The following RFC3 variants were observed in gnomAD, a reference collection of about 807,000 sequenced individuals.
The protein encoded by RFC3 is A1 38 kDa subunit.
RFC3 carries 41 observed loss-of-function variants against 45.1 expected under a neutral mutation model. That is an observed-to-expected ratio of 0.91 (90% CI 0.71 to 1.18). The LOEUF (loss-of-function observed/expected upper bound fraction) is 1.18. Among genes scored for constraint, RFC3 ranks in the 50% most tolerant of loss-of-function variants. The pLI, the probability that RFC3 is intolerant of heterozygous loss-of-function variation, is 0.00. For missense variants in RFC3, 423 were observed against 428.1 expected, an observed-to-expected ratio of 0.99 and a Z score of 0.10; for synonymous variants, 149 against 144.0, an observed-to-expected ratio of 1.03 and a Z score of -0.25.
intron 8 of RFC3, chr13:33,848,821 C>T (rs2082257182): frequency 1.3e-5 from 2 of 152,234 alleles, no homozygotes; most frequent in South Asian, 4.1e-4. Context: ...TCTTCATACT[C>T]AACATGGCAA....
In RFC3 at chr13:33,837,176, A is replaced by T. The variant is rs1199981109; in HGVS notation, c.*881A>T. 5.7e-6 allele frequency: 3 copies of T among 522,840 alleles called. No homozygotes were observed. In the African/African-American group the frequency reaches 6.2e-5, roughly 11 times the overall value. The allele number at this position is 522,840 out of a possible 1,614,324, so 32.4% of individuals were successfully genotyped here. On this transcript the variant is annotated 3_prime_UTR_variant, in exon 9 of 9. Coordinates refer to ENST00000380071, the MANE Select transcript of RFC3 (RefSeq NM_002915.4). Reference sequence around the variant, plus strand: ...GTGAAACTATGATCCCAATCAAGGTATAGATGCCGTCACCCCAAAAAGTTC... The same window carrying T: ...GTGAAACTATGATCCCAATCAAGGTTTAGATGCCGTCACCCCAAAAAGTTC...
At chr13:33,959,845 G>A (rs1035375481) in intron 8 of RFC3, among the ~76,000 whole-genome samples, 2 of 152,174 alleles carry the variant, frequency 1.3e-5, no homozygotes, top group African/African-American at 4.8e-5. Flanking sequence ...ATAAAGAAAA[G>A]AGGTCTAATT....
chr13:33,920,853 T>G (rs2082764395), intron 8 of RFC3, among the ~76,000 whole-genome samples: 1 of 152,042 alleles, frequency 6.6e-6, no homozygotes, highest in Non-Finnish European at 1.5e-5. Flanking sequence ...ACTAAATGAG[T>G]CTTTATCTTA....
chr13:33,874,753 G>T (rs1302375406), intron 8 of RFC3, among the ~76,000 whole-genome samples: 2 of 152,230 alleles, frequency 1.3e-5, no homozygotes, highest in African/African-American at 4.8e-5. Context: ...TGACCCTCCA[G>T]ATGGTAAACC....
chr13:33,881,591 G>C (rs7999103), intron 8 of RFC3, among the ~76,000 whole-genome samples: 16,107 of 151,856 alleles, frequency 0.11, 1,704 homozygotes, highest in African/African-American at 0.25. Flanking sequence ...GATCCGGCCA[G>C]TTGTCTCCTC....
In RFC3 at chr13:33,825,804, T is replaced by G. The variant is rs905108387; in HGVS notation, c.309T>G (p.Ser103Arg). The G allele has an allele frequency of 3.1e-6, 5 of 1,599,288 alleles. No homozygotes were observed. In the African/African-American group the frequency reaches 5.4e-5, roughly 17 times the overall value. The change falls in exon 4 of 9, where the codon AGT (serine) becomes AGG (arginine). Residue 103 changes from serine (S) to arginine (R), a missense_variant. Coordinates refer to ENST00000380071, the MANE Select transcript of RFC3 (RefSeq NM_002915.4). ...TTTTGTGTAGTGATGCTGGAAATAGTGACCGAGTAGTCATTCAGGAGATGT... is the reference window on the plus strand; with the variant it reads ...TTTTGTGTAGTGATGCTGGAAATAGGGACCGAGTAGTCATTCAGGAGATGT... ...LEVNPSDAGN[S>R]DRVVIQEMLK...
chr13:33,839,660 G>C (rs1156588232), downstream of RFC3, among the ~76,000 whole-genome samples: 1 of 152,132 alleles, frequency 6.6e-6, no homozygotes, highest in African/African-American at 2.4e-5. Flanking sequence ...ATATCTTCCT[G>C]TTTCCATTAG....
rs1555244675 is a variant in RFC3, at chr13:33,950,105, ACC to A, written c.880-15979_880-15978del. Among the ~76,000 whole-genome samples, 24 of 132,258 alleles carry A rather than the reference ACC, an allele frequency of 1.8e-4. 1 individual carries two copies. The highest frequency in any genetic ancestry group is 9.4e-4 in the East Asian group (4 of 4,264). 86.8% of individuals were successfully genotyped at this position (132,258 alleles called of 152,430 possible). On this transcript the variant is annotated intron_variant, in intron 8 of 8. Transcript: ENST00000434425. Reference sequence around the variant, plus strand: ...CACACACACACACACACACACACACACCCCGTTATGGTTTGGTTTCTCTGGAG... The same window carrying A: ...CACACACACACACACACACACACACACCGTTATGGTTTGGTTTCTCTGGAG...
chr13:33,824,987 A>T (rs557685434), intron 3 of RFC3, among the ~76,000 whole-genome samples: 3 of 152,294 alleles, frequency 2.0e-5, no homozygotes, highest in East Asian at 3.9e-4. Context: ...CTATAATAAT[A>T]GTAGTGACTT....
At chr13:33,834,107 A>T (rs1408381292) in intron 7 of RFC3, among the ~76,000 whole-genome samples, 2 of 149,170 alleles carry the variant, frequency 1.3e-5, no homozygotes, top group African/African-American at 4.9e-5. Context: ...GAGTTAAATT[A>T]TTTGTTTCAA....
intron 1 of RFC3, among the ~76,000 whole-genome samples, chr13:33,819,371 C>T (rs2081980993): frequency 6.6e-6 from 1 of 152,158 alleles, no homozygotes; most frequent in African/African-American, 2.4e-5. Context: ...TTATCCACTC[C>T]TTTTAAGGAA....
intron 8 of RFC3, among the ~76,000 whole-genome samples, chr13:33,857,252 T>C (rs1448325464): frequency 6.6e-6 from 1 of 152,198 alleles, no homozygotes; most frequent in Non-Finnish European, 1.5e-5. Flanking sequence ...GCGGAATCTC[T>C]GACATGCTAC....
chr13:33,968,563 C>A (rs2137881813), downstream of RFC3, among the ~76,000 whole-genome samples: 1 of 152,326 alleles, frequency 6.6e-6, no homozygotes, highest in Admixed American at 6.5e-5. Flanking sequence ...TTTAGCCAAT[C>A]AAACAATCAA....
intron 8 of RFC3, among the ~76,000 whole-genome samples, chr13:33,874,015 T>C (rs775259067): frequency 3.3e-5 from 5 of 152,172 alleles, no homozygotes; most frequent in Non-Finnish European, 7.4e-5. Context: ...TTCTAATCTC[T>C]CTATAAAACT....
At position 33,862,571 on chromosome 13, in the gene RFC3, CAT is replaced by C. The variant is rs985285534; in HGVS notation, c.879+27355_879+27356del. 7.4e-4 allele frequency among the ~76,000 whole-genome samples: 113 copies of C among 152,128 alleles called. 1 individual carries two copies. Among genetic ancestry groups the C allele is most frequent in the African/African-American group, 2.4e-3 (101 of 41,520 alleles). On this transcript the variant is annotated intron_variant, in intron 8 of 8. Transcript: ENST00000434425. ...TGTTTCCCACTGATTCATACACACA[CAT>C]GTCAAAATATTTTAAAAGCGAGACA...
At chr13:33,924,651 C>A in intron 8 of RFC3, among the ~76,000 whole-genome samples, 1 of 144,678 alleles carries the variant, frequency 6.9e-6, no homozygotes, top group African/African-American at 2.6e-5. Context: ...TATTATATAT[C>A]AATGTGTGTG....
chr13:33,922,678 A>G (rs900508154), intron 8 of RFC3, among the ~76,000 whole-genome samples: 5 of 152,142 alleles, frequency 3.3e-5, no homozygotes, highest in South Asian at 2.1e-4. Context: ...AAAAGTAGCT[A>G]GTCAAATAAT....
the RFC3 span, among the ~76,000 whole-genome samples, chr13:33,976,898 T>G: frequency 2.6e-5 from 4 of 152,044 alleles, no homozygotes; most frequent in East Asian, 7.7e-4. Context: ...TGTAACTTAA[T>G]AGAGGAGAAA....
Position 33,836,254 on chromosome 13 carries a change from A to C in RFC3, c.1030A>C (p.Lys344Gln). ...AFVAKFMALY[K>Q]KFMEDGLEGM... ...TGTGGCCAAATTCATGGCACTTTATAAGAAGTTCATGGAGGATGGATTGGA... is the reference window on the plus strand; with the variant it reads ...TGTGGCCAAATTCATGGCACTTTATCAGAAGTTCATGGAGGATGGATTGGA... The change falls in exon 9 of 9, where the codon AAG becomes CAG. Residue 344 changes from lysine to glutamine, a missense_variant. Lys to Gln is a moderately conservative substitution (Grantham distance 53, BLOSUM62 1). Coordinates refer to ENST00000380071, the MANE Select transcript of RFC3 (RefSeq NM_002915.4). 6.2e-7 allele frequency: 1 copy of C among 1,613,374 alleles called. No homozygotes were observed. Among genetic ancestry groups the C allele is most frequent in the Non-Finnish European group, 8.5e-7 (1 of 1,179,440 alleles).
Sources: gnomAD v4.1 joint callset for allele counts (sites outside exome capture counted in the v4.1 genomes callset) on GRCh38, gnomAD v4.1.1 for gene constraint, MANE v1.5 for transcripts, NCBI Gene and HGNC (gene_info 2026-07-23, HGNC 2026-07-21) for gene names.